CAMK1D: variants seen among roughly 807,000 people sequenced by gnomAD.
The protein encoded by CAMK1D is calcium/calmodulin-dependent protein kinase type 1D.
Under a neutral mutation model 47.7 loss-of-function variants are expected in CAMK1D, and 9 were observed. The ratio of observed to expected loss-of-function variants is 0.19; its 90% CI spans 0.11 to 0.33. The LOEUF (loss-of-function observed/expected upper bound fraction) is 0.33. CAMK1D is among the 10% of genes least tolerant of loss of function. CAMK1D has a pLI of 1.00. For synonymous variants in CAMK1D, 184 were observed against 184.9 expected (o/e 0.99, Z 0.04); for missense variants, 291 against 488.7 (o/e 0.60, Z 3.81).
intron 1 of CAMK1D, among the ~76,000 whole-genome samples, chr10:12,394,152 T>C (rs748012049): frequency 2.0e-5 from 3 of 152,326 alleles, no homozygotes; most frequent in Non-Finnish European, 1.5e-5. Flanking sequence ...GAGACACTTA[T>C]GTTTACAGTT....
At chr10:12,666,603 T>C (rs1258656931) in intron 2 of CAMK1D, 133 bp from the exon 3 acceptor site, 2 of 692,616 alleles carry the variant, frequency 2.9e-6, no homozygotes, top group Non-Finnish European at 5.0e-6. Context: ...GGGGACAACA[T>C]TGTGAAGTCT....
At chr10:12,697,254 A>C (rs1053471832) in intron 3 of CAMK1D, among the ~76,000 whole-genome samples, 1 of 152,230 alleles carries the variant, frequency 6.6e-6, no homozygotes, top group African/African-American at 2.4e-5. Context: ...GAATTTGTCT[A>C]TGGATTCTCT....
chr10:12,823,904 T>C (rs576145935), intron 8 of CAMK1D, among the ~76,000 whole-genome samples: 1 of 151,582 alleles, frequency 6.6e-6, no homozygotes, highest in East Asian at 2.0e-4. Flanking sequence ...TCAGCTCTGC[T>C]GAGATGAAGC....
At chr10:12,495,876 G>A (rs570654190) in intron 1 of CAMK1D, among the ~76,000 whole-genome samples, 38 of 152,048 alleles carry the variant, frequency 2.5e-4, no homozygotes, top group Middle Eastern at 3.4e-3. Flanking sequence ...CACTCAGGCC[G>A]GAGTGCAGTG....
chr10:12,464,732 A>G (rs530303114), intron 1 of CAMK1D, among the ~76,000 whole-genome samples: 1 of 151,802 alleles, frequency 6.6e-6, no homozygotes, highest in Admixed American at 6.6e-5. Context: ...GGAGAATGGC[A>G]TGAACCCGGG....
chr10:12,828,662 C>CT, intron 10 of CAMK1D, 107 bp from the exon 11 acceptor site: 1 of 773,268 alleles, frequency 1.3e-6, no homozygotes, highest in African/African-American at 1.8e-5. Flanking sequence ...AAAATTGGGC[C>CT]CCCCCGCCCC....
At chr10:12,359,085 C>T (rs1335309531) in intron 1 of CAMK1D, among the ~76,000 whole-genome samples, 2 of 152,118 alleles carry the variant, frequency 1.3e-5, no homozygotes, top group African/African-American at 2.4e-5. Context: ...AACATAGGCT[C>T]GGAGGTTACA....
At chr10:12,719,204 C>T (rs1834275131) in intron 3 of CAMK1D, among the ~76,000 whole-genome samples, 2 of 151,766 alleles carry the variant, frequency 1.3e-5, no homozygotes, top group Admixed American at 6.6e-5. Flanking sequence ...GTCAGGAGTT[C>T]GAGACCAGCC....
At chr10:12,509,795 C>T (rs1204939421) in intron 1 of CAMK1D, among the ~76,000 whole-genome samples, 2 of 152,140 alleles carry the variant, frequency 1.3e-5, no homozygotes, top group African/African-American at 4.8e-5. Context: ...AAACCAGGCT[C>T]TAGTAAAGTC....
At chr10:12,796,581 G>T (rs1838204857) in intron 6 of CAMK1D, among the ~76,000 whole-genome samples, 1 of 152,140 alleles carries the variant, frequency 6.6e-6, no homozygotes, top group Admixed American at 6.5e-5. Context: ...AGGAGAATTT[G>T]AGCCCAGGCA....
intron 5 of CAMK1D, 132 bp downstream of exon 5, chr10:12,769,931 C>T: frequency 1.1e-6 from 1 of 938,872 alleles, no homozygotes; most frequent in Non-Finnish European, 1.6e-6. Context: ...CCTTCACTTC[C>T]CCTGGGGGAA....
At chr10:12,738,901 C>T (rs1835297858) in intron 3 of CAMK1D, among the ~76,000 whole-genome samples, 1 of 151,824 alleles carries the variant, frequency 6.6e-6, no homozygotes, top group Admixed American at 6.6e-5. Context: ...TTCAAAATTA[C>T]CTTATGAGGT....
At chr10:12,421,044 A>G (rs187317138) in intron 1 of CAMK1D, among the ~76,000 whole-genome samples, 79 of 152,270 alleles carry the variant, frequency 5.2e-4, no homozygotes, top group African/African-American at 1.8e-3. Flanking sequence ...AGGCTGTATC[A>G]TATAATCTCC....
intron 1 of CAMK1D, among the ~76,000 whole-genome samples, chr10:12,448,569 A>G (rs1832989811): frequency 6.6e-6 from 1 of 151,956 alleles, no homozygotes. Flanking sequence ...GATACTACGG[A>G]CTTCTTGCCT....
At chr10:12,750,298 C>G (rs1053084834) in intron 3 of CAMK1D, among the ~76,000 whole-genome samples, 14 of 152,220 alleles carry the variant, frequency 9.2e-5, no homozygotes, top group African/African-American at 1.9e-4. Flanking sequence ...TGCCCACATG[C>G]TGTGCATATC....
chr10:12,733,124 ACCTTT>A (rs1564523170), intron 3 of CAMK1D, among the ~76,000 whole-genome samples: 1 of 152,196 alleles, frequency 6.6e-6, no homozygotes, highest in African/African-American at 2.4e-5. Flanking sequence ...GTGGCAGTTT[ACCTTT>A]CTATTCTTAT....
chr10:12,729,929 T>TCGTCC (rs62902160), intron 3 of CAMK1D, among the ~76,000 whole-genome samples: 42,890 of 151,732 alleles, frequency 0.28, 6,181 homozygotes, highest in East Asian at 0.39. Flanking sequence ...ACAGGAGGCC[T>TCGTCC]CGTCCCATAG....
chr10:12,357,403 C>T (rs549062358), intron 1 of CAMK1D, among the ~76,000 whole-genome samples: 15 of 152,218 alleles, frequency 9.9e-5, no homozygotes, highest in African/African-American at 3.6e-4. Flanking sequence ...GCAACCTCCG[C>T]CTCCCGGGTT....
chr10:12,485,573 T>C (rs1009056273), intron 1 of CAMK1D, among the ~76,000 whole-genome samples: 4 of 152,246 alleles, frequency 2.6e-5, no homozygotes, highest in African/African-American at 9.6e-5. Context: ...GTTGGGCCTG[T>C]AGGTGCTTTG....
Sources: gnomAD v4.1 joint callset for allele counts (sites outside exome capture counted in the v4.1 genomes callset) on GRCh38, gnomAD v4.1.1 for gene constraint, MANE v1.5 for transcripts, NCBI Gene and HGNC (gene_info 2026-07-23, HGNC 2026-07-21) for gene names.